SGCZ: variants seen among roughly 807,000 people sequenced by gnomAD.
SGCZ encodes the protein sarcoglycan zeta.
SGCZ carries 40 observed loss-of-function variants against 41.3 expected under a neutral mutation model. That is an observed-to-expected ratio of 0.97 (90% CI 0.75 to 1.26). SGCZ has a LOEUF of 1.26. Among genes scored for constraint, SGCZ ranks in the 50% most tolerant of loss-of-function variants. The pLI is 0.00. For missense variants in SGCZ, 552 were observed against 369.8 expected (o/e 1.49, Z -4.04); for synonymous variants, 206 against 137.5 (o/e 1.50, Z -3.49).
At chr8:15,160,905 A>C (rs541495302) in intron 1 of SGCZ, among the ~76,000 whole-genome samples, 1 of 152,022 alleles carries the variant, frequency 6.6e-6, no homozygotes, top group Non-Finnish European at 1.5e-5. Context: ...CCCAGCCTAG[A>C]GTACACTGGC....
Position 14,573,067 on chromosome 8 carries a change from G to C in SGCZ, c.40-18141C>G, listed in dbSNP as rs540354088. Among the ~76,000 whole-genome samples the C allele has an allele frequency of 2.6e-5, 4 of 151,934 alleles. No homozygotes were observed. The East Asian group carries it at 7.8e-4, about 29-fold the overall frequency. On this transcript the variant is annotated intron_variant, in intron 1 of 7. Coordinates refer to ENST00000382080, the MANE Select transcript of SGCZ (RefSeq NM_139167.4). ...TTGTGCTTCTCCATATGTGAGATTT[G>C]TACTACTGGTGGTAGGTAGTTATTA...
intron 1 of SGCZ, among the ~76,000 whole-genome samples, chr8:14,760,859 CT>C (rs1799847356): frequency 6.6e-6 from 1 of 152,070 alleles, no homozygotes; most frequent in African/African-American, 2.4e-5. Context: ...GCCCTGTTTC[CT>C]TTTTCATGTG....
At position 14,551,533 on chromosome 8, in the gene SGCZ, A is replaced by AT. The variant is rs1275667444; in HGVS notation, c.234+3198_234+3199insA. ...TATATATATTATATATAATATATATAATATATATAATATATATAATATATA... is the reference window on the plus strand; with the variant it reads ...TATATATATTATATATAATATATATATATATATATAATATATATAATATATA... On this transcript the variant is annotated intron_variant, in intron 2 of 7. Transcript: ENST00000382080. Among the ~76,000 whole-genome samples the AT allele has an allele frequency of 2.1e-3, 25 of 12,164 alleles. 1 individual carries two copies. The highest frequency in any genetic ancestry group is 4.4e-3 in the Admixed American group (3 of 686). 8.0% of individuals were successfully genotyped at this position (12,164 alleles called of 152,430 possible). A position where few individuals can be genotyped will look rare whatever the true frequency, so the allele number is the denominator to read the frequency against.
At chr8:14,816,183 C>T (rs537075378) in intron 1 of SGCZ, among the ~76,000 whole-genome samples, 8 of 152,320 alleles carry the variant, frequency 5.3e-5, no homozygotes, top group Admixed American at 2.6e-4. Context: ...CTTTCATCAT[C>T]TCTCAATGCA....
At position 14,413,877 on chromosome 8, in the gene SGCZ, T is replaced by A. The variant is rs534282711; in HGVS notation, c.235-89673A>T. Among the ~76,000 whole-genome samples, 10 of 152,144 alleles carry A rather than the reference T, an allele frequency of 6.6e-5. No individual in the cohort carries two copies. In the East Asian group the frequency reaches 1.9e-3, roughly 29 times the overall value. On this transcript the variant is annotated intron_variant, in intron 2 of 7. Coordinates refer to ENST00000382080, the MANE Select transcript of SGCZ (RefSeq NM_139167.4). ...TTTCTTTGATTTGTTCTCTGATATA[T>A]CCAGTCATCTAGAACTCTGTAAGTT... is the stretch of plus-strand genomic sequence containing the variant.
intron 1 of SGCZ, among the ~76,000 whole-genome samples, chr8:14,911,349 A>T (rs1271236502): frequency 6.6e-6 from 1 of 152,072 alleles, no homozygotes; most frequent in Non-Finnish European, 1.5e-5. Context: ...GAATACGCAG[A>T]CACCAATGCC....
chr8:14,169,033 C>T (rs1319778399), intron 4 of SGCZ, among the ~76,000 whole-genome samples: 6 of 152,136 alleles, frequency 3.9e-5, no homozygotes, highest in Non-Finnish European at 8.8e-5. Context: ...ACGTAATGCA[C>T]TCTAGAGTTA....
chr8:15,011,137 A>G (rs1802812872), intron 1 of SGCZ, among the ~76,000 whole-genome samples: 1 of 152,134 alleles, frequency 6.6e-6, no homozygotes, highest in South Asian at 2.1e-4. Context: ...CTTCAAGGCA[A>G]TAAGGGTTAT....
At chr8:14,507,969 C>G (rs2117067762) in intron 2 of SGCZ, among the ~76,000 whole-genome samples, 1 of 152,094 alleles carries the variant, frequency 6.6e-6, no homozygotes, top group East Asian at 1.9e-4. Flanking sequence ...CGGGGTTTTT[C>G]CATGTTGGTC....
chr8:14,587,130 C>A (rs1227003429), intron 1 of SGCZ, among the ~76,000 whole-genome samples: 1 of 150,998 alleles, frequency 6.6e-6, no homozygotes, highest in Non-Finnish European at 1.5e-5. Flanking sequence ...TAATATATAC[C>A]GTCTCTAATA....
At chr8:14,383,917 T>C (rs926220493) in intron 2 of SGCZ, among the ~76,000 whole-genome samples, 6 of 142,642 alleles carry the variant, frequency 4.2e-5, no homozygotes, top group South Asian at 2.1e-4. Flanking sequence ...AAATTTGTTT[T>C]GAGATTTTTT....
At chr8:14,552,609 T>G (rs2117185590) in intron 2 of SGCZ, among the ~76,000 whole-genome samples, 1 of 152,134 alleles carries the variant, frequency 6.6e-6, no homozygotes, top group African/African-American at 2.4e-5. Flanking sequence ...GCATTATAAT[T>G]TACATTCTGG....
At chr8:14,718,469 C>G (rs1402261848) in intron 1 of SGCZ, among the ~76,000 whole-genome samples, 1 of 152,000 alleles carries the variant, frequency 6.6e-6, no homozygotes, top group Non-Finnish European at 1.5e-5. Flanking sequence ...GGAATATCAA[C>G]TAAGTAAACG....
At chr8:14,280,611 G>T (rs1431390784) in intron 3 of SGCZ, among the ~76,000 whole-genome samples, 2 of 151,858 alleles carry the variant, frequency 1.3e-5, no homozygotes, top group Non-Finnish European at 1.5e-5. Context: ...ATGGCACTTA[G>T]ATTTTTTATA....
At chr8:15,086,079 G>A (rs1023874205) in intron 1 of SGCZ, among the ~76,000 whole-genome samples, 1 of 152,124 alleles carries the variant, frequency 6.6e-6, no homozygotes. Flanking sequence ...CATGGATATT[G>A]CATAATAAAA....
rs1398883305 is a variant in SGCZ at position 14,357,125 on chromosome 8, TACACAC to T, written c.235-32927_235-32922del. Among the ~76,000 whole-genome samples, 12 of 152,264 alleles carry T rather than the reference TACACAC, an allele frequency of 7.9e-5. No individual in the cohort carries two copies. In the East Asian group the frequency reaches 1.9e-3, roughly 24 times the overall value. On this transcript the variant is annotated intron_variant, in intron 2 of 7. Transcript: ENST00000382080. Reference sequence around the variant, plus strand: ...TCAAATGAATAAAATACTAAGGACCTACACACACCTTGATATGTTGATATTTTTCAA... The same window carrying T: ...TCAAATGAATAAAATACTAAGGACCTACCTTGATATGTTGATATTTTTCAA...
At chr8:14,762,289 A>G (rs537978289) in intron 1 of SGCZ, among the ~76,000 whole-genome samples, 61 of 152,330 alleles carry the variant, frequency 4.0e-4, no homozygotes, top group Non-Finnish European at 2.5e-4. Context: ...ACCTCAAAAC[A>G]GTAAAATCTA....
At chr8:14,647,192 A>G (rs1343980687) in intron 1 of SGCZ, among the ~76,000 whole-genome samples, 2 of 151,984 alleles carry the variant, frequency 1.3e-5, no homozygotes, top group African/African-American at 4.8e-5. Flanking sequence ...ACTAATGATA[A>G]ACTATATAGC....
intron 2 of SGCZ, among the ~76,000 whole-genome samples, chr8:14,347,055 G>A (rs1239612901): frequency 1.3e-5 from 2 of 151,866 alleles, no homozygotes; most frequent in Non-Finnish European, 2.9e-5. Flanking sequence ...TCCTTAATCA[G>A]CCATAGAGAA....
Sources: allele counts gnomAD v4.1 joint callset (sites outside exome capture counted in the v4.1 genomes callset), GRCh38; gene constraint gnomAD v4.1.1; transcripts MANE v1.5; gene names NCBI Gene and HGNC (gene_info 2026-07-23, HGNC 2026-07-21).